PLPPR3: variants seen among roughly 807,000 people sequenced by gnomAD.
The protein encoded by PLPPR3 is phospholipid phosphatase-related protein type 3.
In PLPPR3, 14 loss-of-function variants were observed where a neutral mutation model predicts 27.3. The ratio of observed to expected loss-of-function variants is 0.51; its 90% CI spans 0.34 to 0.80. The LOEUF (loss-of-function observed/expected upper bound fraction) is 0.80, where lower values mean the gene tolerates loss of function less well. PLPPR3 is among the 30% of genes least tolerant of loss of function. PLPPR3 has a pLI of 0.01. For synonymous variants in PLPPR3, 671 were observed against 508.0 expected, an observed-to-expected ratio of 1.32 and a Z score of -4.32; for missense variants, 1,287 against 1,056.9, an observed-to-expected ratio of 1.22 and a Z score of -3.02.
rs759881790 is a variant in PLPPR3 at position 812,584 on chromosome 19, G to C, written c.2143C>G (p.Arg715Gly). 7.5e-6 allele frequency: 8 copies of C among 1,061,768 alleles called. No individual in the cohort carries two copies. The South Asian group carries it at 1.9e-4, about 26-fold the overall frequency. 65.8% of individuals were successfully genotyped at this position (1,061,768 alleles called of 1,614,324 possible). The stretch of plus-strand genomic sequence containing the variant: ...GCCCCGCCGCGCTAGTCGGGGAAGC[G>C]GCGCGCCTGCATCTTGCGGAAGTAG... Reference protein sequence around the residue: ...EGYFRKMQARRFPD With the variant: ...EGYFRKMQARGFPD The change falls in exon 8 of 8, where the codon CGC becomes GGC. Residue 715 changes from arginine (R) to glycine (G), a missense_variant. Transcript: ENST00000520876.
intron 2 of PLPPR3, among the ~76,000 whole-genome samples, chr19:817,606 G>A (rs551096894): frequency 2.0e-5 from 3 of 152,250 alleles, no homozygotes; most frequent in African/African-American, 7.2e-5. Context: ...CCTTGTTATG[G>A]CATCTTAGCA....
At chr19:823,453 A>AAACAAACAAAC (rs2035178910), upstream of PLPPR3, among the ~76,000 whole-genome samples, 1 of 140,104 alleles carries the variant, frequency 7.1e-6, no homozygotes, top group African/African-American at 3.3e-5. Flanking sequence ...AAAAAAAAAA[A>AAACAAACAAAC]AAAAACAAAC....
At position 813,193 on chromosome 19, in the gene PLPPR3, C is replaced by T. The variant is rs1186042785; in HGVS notation, c.1534G>A (p.Gly512Ser). The T allele has an allele frequency of 5.3e-6, 8 of 1,508,674 alleles. No homozygotes were observed. The highest frequency in any genetic ancestry group is 7.0e-6 in the Non-Finnish European group (8 of 1,140,404). 93.5% of individuals were successfully genotyped at this position (1,508,674 alleles called of 1,614,324 possible). ...AGCCACTTGGCGCGCACCCCGGCGC[C>T]GCTTTTGGGGGACAGGCCGGCCCCC... ...QTGAGLSPKSGAGVRAKWLMM... is the reference protein window; with the variant it reads ...QTGAGLSPKSSAGVRAKWLMM... Residue 512 changes from glycine to serine, a missense_variant, in exon 8 of 8, where the codon GGC (glycine) becomes AGC (serine). By Grantham distance (56) the Gly-to-Ser change is moderately conservative. Transcript: ENST00000520876. The surrounding 1 kb of genome is among the most constrained non-coding windows in gnomAD (Gnocchi z 4.1).
chr19:815,641 C>T (rs1367994355), intron 3 of PLPPR3, 25 bp downstream of exon 3: 1 of 1,554,766 alleles, frequency 6.4e-7, no homozygotes, highest in Non-Finnish European at 8.7e-7. Context: ...CACAGGCTGG[C>T]ACAGGCCCCG....
chr19:813,501 C>G lies in PLPPR3; in HGVS notation c.1226G>C (p.Ser409Thr). 1 of 1,554,354 alleles carries G rather than the reference C, an allele frequency of 6.4e-7. No homozygotes were observed. The highest frequency in any genetic ancestry group is 1.9e-5 in the Admixed American group (1 of 52,904). ...LDASRSKQLI[S>T]EWKQKSLEGR... ...CTCCAGGCTCTTCTGCTTCCACTCG[C>G]TGATGAGCTGCTTGGAGCGCGAGGC... Residue 409 changes from serine to threonine, a missense_variant, in exon 8 of 8, where the codon AGC becomes ACC. Transcript: ENST00000520876. The surrounding 1 kb of genome is among the most constrained non-coding windows in gnomAD (Gnocchi z 4.1).
In PLPPR3 at chr19:815,185, C is replaced by T. The variant is rs923534126; in HGVS notation, c.403+1G>A. 1.2e-6 allele frequency: 2 copies of T among 1,603,702 alleles called. No homozygotes were observed. Among genetic ancestry groups the T allele is most frequent in the African/African-American group, 1.3e-5 (1 of 74,774 alleles). On this transcript the variant is annotated splice_donor_variant, in intron 4 of 7. Transcript: ENST00000520876. LOFTEE classifies it high-confidence loss of function. ...GGGTCGGGGCGCGTCCCGCAACTCA[C>T]CCACAAACCGCACCGTACGCCGCAG...
At position 821,916 on chromosome 19, in the gene PLPPR3, T is replaced by G; in HGVS notation, c.-28A>C. 1 of 153,956 alleles carries G rather than the reference T, an allele frequency of 6.5e-6. No homozygotes were observed. Among genetic ancestry groups the G allele is most frequent in the East Asian group, 2.0e-4 (1 of 5,000 alleles). 9.5% of individuals were successfully genotyped at this position (153,956 alleles called of 1,614,324 possible). A position where few individuals can be genotyped will look rare whatever the true frequency, so the allele number is the denominator to read the frequency against. On this transcript the variant is annotated splice_region_variant and 5_prime_UTR_variant, in exon 1 of 8. Coordinates refer to ENST00000520876, the MANE Select transcript of PLPPR3 (RefSeq NM_001270366.2). ...GCCCCCAGCCCCACAGCCCCTCACC[T>G]GGCGCGGCCGGCGCCCAGCACAAAG...
At position 813,214 on chromosome 19, in the gene PLPPR3, C is replaced by G; in HGVS notation, c.1513G>C (p.Ala505Pro). Residue 505 changes from alanine (A) to proline (P), a missense_variant, in exon 8 of 8, where the codon GCC becomes CCC. Transcript: ENST00000520876. This position sits in a 1 kb window ranked among gnomAD's most constrained non-coding sequence, Gnocchi z 4.1. ...GCGCCGCTTTTGGGGGACAGGCCGG[C>G]CCCCGTCTGCGCGCCCTCCTCCGGG... is the stretch of plus-strand genomic sequence containing the variant. ...HIPEEGAQTG[A>P]GLSPKSGAGV... The G allele has an allele frequency of 6.7e-7, 1 of 1,490,574 alleles. No individual in the cohort carries two copies. Among genetic ancestry groups the G allele is most frequent in the Non-Finnish European group, 8.8e-7 (1 of 1,132,454 alleles). 92.3% of individuals were successfully genotyped at this position (1,490,574 alleles called of 1,614,324 possible). A position where few individuals can be genotyped will look rare whatever the true frequency, so the allele number is the denominator to read the frequency against.
chr19:820,748 C>G (rs11666980), intron 2 of PLPPR3, among the ~76,000 whole-genome samples: 11,201 of 152,146 alleles, frequency 0.074, 598 homozygotes, highest in Non-Finnish European at 0.11. Context: ...GTCTTGAACT[C>G]CTGCCCTCAG....
In PLPPR3 at chr19:814,515, G is replaced by C; in HGVS notation, c.750C>G (p.Leu250=). The change falls in exon 7 of 8, where the codon CTC becomes CTG. Residue 250 remains leucine, a synonymous_variant. Coordinates refer to ENST00000520876, the MANE Select transcript of PLPPR3 (RefSeq NM_001270366.2). ...AFAIAAGVCG[L]TQITQYRSHP... ...GGCTGCGGTACTGCGTGATCTGCGTGAGCCCGCATACGCCCGCGGCGATGG... is the reference window on the plus strand; with the variant it reads ...GGCTGCGGTACTGCGTGATCTGCGTCAGCCCGCATACGCCCGCGGCGATGG... 1 of 1,611,432 alleles carries C rather than the reference G, an allele frequency of 6.2e-7. No individual in the cohort carries two copies. Among genetic ancestry groups the C allele is most frequent in the South Asian group, 1.1e-5 (1 of 91,076 alleles).
chr19:816,335 A>C (rs2035053346), intron 2 of PLPPR3, among the ~76,000 whole-genome samples: 1 of 43,108 alleles, frequency 2.3e-5, no homozygotes, highest in Non-Finnish European at 4.0e-5. Flanking sequence ...CCATCCACCC[A>C]CCCACCCATC....
chr19:821,433 G>A (rs1164967357), intron 2 of PLPPR3, 52 bp downstream of exon 2: 5 of 1,472,684 alleles, frequency 3.4e-6, no homozygotes, highest in Admixed American at 2.2e-5. Context: ...GGTCTCTGCG[G>A]GCGGGCGGAA....
upstream of PLPPR3, among the ~76,000 whole-genome samples, chr19:823,449 A>AAAAAAC (rs1035787040): frequency 1.1e-4 from 16 of 141,832 alleles, no homozygotes; most frequent in Admixed American, 7.5e-4. Context: ...CTCAAAAAAA[A>AAAAAAC]AAAAAAAAAC....
upstream of PLPPR3, among the ~76,000 whole-genome samples, chr19:822,986 G>T (rs951242173): frequency 1.3e-5 from 2 of 151,970 alleles, no homozygotes; most frequent in Non-Finnish European, 2.9e-5. Flanking sequence ...GGGTGTGGTG[G>T]CTCATGCCTG....
At position 812,857 on chromosome 19, in the gene PLPPR3, G is replaced by A. The variant is rs778417733; in HGVS notation, c.1870C>T (p.Leu624=). 3.4e-4 allele frequency: 393 copies of A among 1,160,186 alleles called. No individual in the cohort carries two copies. The East Asian group carries it at 9.5e-3, about 28-fold the overall frequency. The allele number at this position is 1,160,186 out of a possible 1,614,324, so 71.9% of individuals were successfully genotyped here. A position where few individuals can be genotyped will look rare whatever the true frequency, so the allele number is the denominator to read the frequency against. Residue 624 remains leucine, a synonymous_variant, in exon 8 of 8, where the codon CTG becomes TTG. Transcript: ENST00000520876. ...GCCCCGCCGCGGAAGCCGCGCGCCAGGTCCCCCAGCTCGTAGCCGCCGTCG... is the reference window on the plus strand; with the variant it reads ...GCCCCGCCGCGGAAGCCGCGCGCCAAGTCCCCCAGCTCGTAGCCGCCGTCG... ...EADGGYELGD[L]ARGFRGGAKP...
rs1231393290 is a variant in PLPPR3 at position 812,667 on chromosome 19, C to T, written c.2060G>A (p.Arg687Gln). 2 of 1,059,516 alleles carry T rather than the reference C, an allele frequency of 1.9e-6. No individual in the cohort carries two copies. Among genetic ancestry groups the T allele is most frequent in the Non-Finnish European group, 2.3e-6 (2 of 876,318 alleles). The allele number at this position is 1,059,516 out of a possible 1,614,324, so 65.6% of individuals were successfully genotyped here. A position where few individuals can be genotyped will look rare whatever the true frequency, so the allele number is the denominator to read the frequency against. ...LGPGSRESTL[R>Q]RHAGGLGLAE... is the part of the protein sequence containing the mutation. ...CAGCCCCAGGCCGCCCGCGTGGCGC[C>T]GCAGCGTGGACTCCCGGCTGCCCGG... Residue 687 changes from arginine to glutamine, a missense_variant, in exon 8 of 8, where the codon CGG becomes CAG. Transcript: ENST00000520876.
rs900355078 is a variant in PLPPR3 at position 815,935 on chromosome 19, A to G, written c.76-84T>C. 2.2e-6 allele frequency: 3 copies of G among 1,388,678 alleles called. No homozygotes were observed. In the African/African-American group the frequency reaches 4.3e-5, roughly 20 times the overall value. 86.0% of individuals were successfully genotyped at this position (1,388,678 alleles called of 1,614,324 possible). On this transcript the variant is annotated intron_variant, in intron 2 of 7. Coordinates refer to ENST00000520876, the MANE Select transcript of PLPPR3 (RefSeq NM_001270366.2). The stretch of plus-strand genomic sequence containing the variant: ...GCCCTCCATGAATTCAGGGCCATCC[A>G]CCGTCTCACTCACCTATCCACAGAT...
chr19:814,852 G>GCTCC lies in PLPPR3; in HGVS notation c.599+30_599+33dup, dbSNP rs747208456. On this transcript the variant is annotated intron_variant, in intron 5 of 7. Coordinates refer to ENST00000520876, the MANE Select transcript of PLPPR3 (RefSeq NM_001270366.2). ...CGCATGTTCACCGGGGCGGAAGAAG[G>GCTCC]CTCCCAGTCAGGGGAGTTGGGGGTC... 1.9e-6 allele frequency: 3 copies of GCTCC among 1,596,406 alleles called. No individual in the cohort carries two copies. The South Asian group carries it at 3.3e-5, about 18-fold the overall frequency.
At position 815,267 on chromosome 19, in the gene PLPPR3, C is replaced by G; in HGVS notation, c.322G>C (p.Gly108Arg). 6.4e-7 allele frequency: 1 copy of G among 1,560,442 alleles called. No homozygotes were observed. ...ATGCTGCCCTCCGCCCCGGCGGGCC[C>G]CCCGGCACGGCCCCACAGCCGGGAC... ...LQSRLWGRAGGPAGAEGSINA... is the reference protein window; with the variant it reads ...LQSRLWGRAGRPAGAEGSINA... The change falls in exon 4 of 8, where the codon GGG becomes CGG. Residue 108 changes from glycine to arginine, a missense_variant. Gly to Arg is a moderately radical substitution (Grantham distance 125, BLOSUM62 -2). Coordinates refer to ENST00000520876, the MANE Select transcript of PLPPR3 (RefSeq NM_001270366.2).
Sources: allele counts gnomAD v4.1 joint callset (sites outside exome capture counted in the v4.1 genomes callset), GRCh38; gene constraint gnomAD v4.1.1; non-coding constraint Gnocchi (gnomAD v3.1); transcripts MANE v1.5; gene names NCBI Gene and HGNC (gene_info 2026-07-23, HGNC 2026-07-21).